Variants in IL18RAP observed in about 807,000 individuals in gnomAD.
IL18RAP encodes interleukin 18 receptor accessory protein, also known as interleukin-18 receptor accessory protein.
In IL18RAP, 37 loss-of-function variants were observed where a neutral mutation model predicts 58.1. That is an observed-to-expected ratio of 0.64 (90% CI 0.49 to 0.84). The LOEUF is 0.84. Ranked by LOEUF, IL18RAP falls within the 40% of genes least tolerant of loss-of-function variation. IL18RAP has a pLI of 0.00. For missense variants in IL18RAP, 667 were observed against 704.8 expected, an observed-to-expected ratio of 0.95 and a Z score of 0.61; for synonymous variants, 268 against 257.5, an observed-to-expected ratio of 1.04 and a Z score of -0.39.
At chr2:102,429,754 T>G (rs7559845) in intron 3 of IL18RAP, among the ~76,000 whole-genome samples, 81,350 of 151,806 alleles carry the variant, frequency 0.54, 23,715 homozygotes, top group African/African-American at 0.74. Flanking sequence ...CCACATGTTT[T>G]AGTACACTGT....
chr2:102,447,039 A>G (rs200365057), intron 7 of IL18RAP, 31 bp from the exon 8 acceptor site: 424 of 1,609,368 alleles, frequency 2.6e-4, no homozygotes, highest in Admixed American at 5.7e-4. Flanking sequence ...CGCTGCCTCT[A>G]TGTCTCTTCA....
chr2:102,452,427 A>G lies in IL18RAP; in HGVS notation c.*246A>G, dbSNP rs1312057750. The G allele has an allele frequency of 7.2e-5, 31 of 432,130 alleles. No individual in the cohort carries two copies. Among genetic ancestry groups the G allele is most frequent in the Non-Finnish European group, 4.1e-6 (1 of 244,706 alleles). 26.8% of individuals were successfully genotyped at this position (432,130 alleles called of 1,614,324 possible). A position where few individuals can be genotyped will look rare whatever the true frequency, so the allele number is the denominator to read the frequency against. ...GGTACTTTCAGTACACAACACCCCTAAGATTTCCCAGTGGTCCGAGCAGAA... is the reference window on the plus strand; with the variant it reads ...GGTACTTTCAGTACACAACACCCCTGAGATTTCCCAGTGGTCCGAGCAGAA... On this transcript the variant is annotated 3_prime_UTR_variant, in exon 10 of 10. Coordinates refer to ENST00000687160, the MANE Select transcript of IL18RAP (RefSeq NM_001393487.1).
chr2:102,435,512 A>G (rs981615514), intron 3 of IL18RAP, among the ~76,000 whole-genome samples: 13 of 152,304 alleles, frequency 8.5e-5, no homozygotes, highest in African/African-American at 3.1e-4. Flanking sequence ...CAATGAGTCT[A>G]TGATAAGGAA....
chr2:102,450,873 A>G lies in IL18RAP; in HGVS notation c.1236A>G (p.Val412=). 1 of 1,604,316 alleles carries G rather than the reference A, an allele frequency of 6.2e-7. No individual in the cohort carries two copies. The highest frequency in any genetic ancestry group is 8.5e-7 in the Non-Finnish European group (1 of 1,176,932). The part of the protein sequence containing the change: ...LGDKKDFDAF[V]SYAKWSSFPS... Reference sequence around the variant, plus strand: ...ATAAAAAGGATTTTGATGCTTTCGTATCCTATGCAAAATGGAGCTCTTTTC... The same window carrying G: ...ATAAAAAGGATTTTGATGCTTTCGTGTCCTATGCAAAATGGAGCTCTTTTC... Residue 412 remains valine (V), a synonymous_variant, in exon 9 of 10, where the codon GTA becomes GTG. Transcript: ENST00000687160.
At chr2:102,443,461 A>T in intron 6 of IL18RAP, 138 bp downstream of exon 6, 3 of 897,450 alleles carry the variant, frequency 3.3e-6, no homozygotes, top group Non-Finnish European at 5.0e-6. Context: ...AAAAATGCAA[A>T]GTGCAAACGG....
chr2:102,422,645 C>A (rs1038379748), upstream of IL18RAP, among the ~76,000 whole-genome samples: 1 of 152,192 alleles, frequency 6.6e-6, no homozygotes, highest in African/African-American at 2.4e-5. Flanking sequence ...GGGACCTGCT[C>A]CCCCTTTCAT....
At position 102,424,357 on chromosome 2, in the gene IL18RAP, T is replaced by C. The variant is rs1455935205; in HGVS notation, c.522T>C (p.Ser174=). 1 of 1,613,976 alleles carries C rather than the reference T, an allele frequency of 6.2e-7. No individual in the cohort carries two copies. Among genetic ancestry groups the C allele is most frequent in the African/African-American group, 1.3e-5 (1 of 74,922 alleles). Residue 174 remains serine, a synonymous_variant, in exon 3 of 10, where the codon TCT becomes TCC. Coordinates refer to ENST00000687160, the MANE Select transcript of IL18RAP (RefSeq NM_001393487.1). The part of the protein sequence containing the change: ...DLLLGSTGSI[S]CPSLSCQSDA... ...TTCTTGGGAGCACTGGCTCTATTTC[T>C]TGCCCCAGTCTCAGCTGCCAAAGTG...
chr2:102,445,717 C>A (rs1169070619), intron 7 of IL18RAP, among the ~76,000 whole-genome samples: 4 of 151,986 alleles, frequency 2.6e-5, no homozygotes, highest in East Asian at 3.9e-4. Flanking sequence ...GCTTTCAAAT[C>A]CAAAGGACAT....
chr2:102,421,259 G>A (rs1367973586), upstream of IL18RAP, among the ~76,000 whole-genome samples: 4 of 126,484 alleles, frequency 3.2e-5, no homozygotes, highest in Admixed American at 7.6e-5. Flanking sequence ...TAGCAAGAGA[G>A]ATGGTTGATG....
At chr2:102,427,229 C>A (rs572551967) in intron 3 of IL18RAP, among the ~76,000 whole-genome samples, 3 of 151,980 alleles carry the variant, frequency 2.0e-5, no homozygotes, top group Non-Finnish European at 4.4e-5. Context: ...CGTAGTTAAC[C>A]CTTTGCCATA....
At chr2:102,450,417 C>T (rs188103271) in intron 8 of IL18RAP, among the ~76,000 whole-genome samples, 29 of 152,200 alleles carry the variant, frequency 1.9e-4, no homozygotes, top group East Asian at 1.7e-3. Context: ...ATCAACTCTC[C>T]GAGCAAGTAC....
chr2:102,444,049 C>A (rs1442783906), intron 6 of IL18RAP, among the ~76,000 whole-genome samples: 1 of 152,206 alleles, frequency 6.6e-6, no homozygotes. Context: ...TCAGATGTGT[C>A]TCCAAAGGAT....
Position 102,423,257 on chromosome 2 carries a change from T to A in IL18RAP, c.-21T>A. On this transcript the variant is annotated 5_prime_UTR_variant, in exon 1 of 10. An upstream start codon of the reference 5' UTR is lost. Transcript: ENST00000687160. ...CAAAGGAATGAAGTTATTGGAGTGA[T>A]GACAGGAACACGGGAGAACAATGCT... is the stretch of plus-strand genomic sequence containing the variant. 6.2e-7 allele frequency: 1 copy of A among 1,612,948 alleles called. No homozygotes were observed. Among genetic ancestry groups the A allele is most frequent in the African/African-American group, 1.3e-5 (1 of 75,006 alleles).
chr2:102,424,595 G>A (rs953700117), intron 3 of IL18RAP, among the ~76,000 whole-genome samples, 181 bp downstream of exon 3: 6 of 152,190 alleles, frequency 3.9e-5, no homozygotes, highest in African/African-American at 1.4e-4. Context: ...AAGCCACAGA[G>A]CTTGATATTC....
chr2:102,447,043 C>G (rs1257190074), intron 7 of IL18RAP, 27 bp from the exon 8 acceptor site: 1 of 1,610,954 alleles, frequency 6.2e-7, no homozygotes, highest in South Asian at 1.1e-5. Flanking sequence ...GCCTCTATGT[C>G]TCTTCATACT....
At chr2:102,441,013 C>T (rs1019186923) in intron 4 of IL18RAP, among the ~76,000 whole-genome samples, 2 of 152,074 alleles carry the variant, frequency 1.3e-5, no homozygotes, top group African/African-American at 4.8e-5. Context: ...TGGGAAAAGA[C>T]AGGGATAGGA....
chr2:102,441,405 G>A, intron 5 of IL18RAP, 28 bp downstream of exon 5: 1 of 1,575,666 alleles, frequency 6.3e-7, no homozygotes, highest in African/African-American at 1.3e-5. Context: ...GCCTTTGAAT[G>A]ACATCGTGCT....
chr2:102,445,116 A>C, intron 6 of IL18RAP, 73 bp from the exon 7 acceptor site: 1 of 1,384,684 alleles, frequency 7.2e-7, no homozygotes, highest in Non-Finnish European at 1.0e-6. Context: ...GGCTGCTTAT[A>C]CGTGTTCCAA....
intron 3 of IL18RAP, among the ~76,000 whole-genome samples, chr2:102,435,740 A>T (rs547753557): frequency 3.3e-5 from 5 of 152,178 alleles, no homozygotes; most frequent in Non-Finnish European, 7.3e-5. Context: ...TAAGAAATCG[A>T]TAATACTGCA....
Sources: allele counts gnomAD v4.1 joint callset (sites outside exome capture counted in the v4.1 genomes callset), GRCh38; gene constraint gnomAD v4.1.1; transcripts MANE v1.5; gene names NCBI Gene and HGNC (gene_info 2026-07-23, HGNC 2026-07-21).